Variants in DOCK3 observed in about 807,000 individuals in gnomAD.
DOCK3 encodes dedicator of cytokinesis protein 3.
DOCK3 carries 60 observed loss-of-function variants against 265.6 expected under a neutral mutation model. That is an observed-to-expected ratio of 0.23 (90% CI 0.18 to 0.28). The LOEUF is 0.28. Among genes scored for constraint, DOCK3 ranks in the 10% least tolerant of loss-of-function variants. The probability of loss-of-function intolerance (pLI) is 1.00; values close to 1 mark genes in which losing one functional copy is unlikely to be tolerated. For synonymous variants in DOCK3, 881 were observed against 938.0 expected, an observed-to-expected ratio of 0.94 and a Z score of 1.11; for missense variants, 1,981 against 2,594.3, an observed-to-expected ratio of 0.76 and a Z score of 5.14.
intron 1 of DOCK3, among the ~76,000 whole-genome samples, chr3:50,777,070 G>C (rs571861310): frequency 1.8e-4 from 27 of 152,214 alleles, no homozygotes; most frequent in African/African-American, 6.3e-4. Context: ...AATACCATGA[G>C]AGCAGTGTGG....
chr3:51,193,801 C>CTTTTTT (rs36051516), intron 12 of DOCK3, among the ~76,000 whole-genome samples: 4 of 126,678 alleles, frequency 3.2e-5, no homozygotes, highest in Admixed American at 8.0e-5. Flanking sequence ...GGGCTTCTCT[C>CTTTTTT]TTTTTTTTTT....
chr3:50,868,899 C>A (rs1222819403), intron 3 of DOCK3, among the ~76,000 whole-genome samples: 7 of 25,722 alleles, frequency 2.7e-4, no homozygotes, highest in African/African-American at 1.1e-3. Flanking sequence ...TTTGGATAAT[C>A]TGTTTTTTTT....
intron 4 of DOCK3, among the ~76,000 whole-genome samples, chr3:50,925,400 A>G (rs891209380): frequency 3.9e-5 from 6 of 152,200 alleles, no homozygotes; most frequent in Non-Finnish European, 5.9e-5. Flanking sequence ...TTGGAAGGCC[A>G]GGCATATTGG....
intron 5 of DOCK3, among the ~76,000 whole-genome samples, chr3:50,953,142 T>C (rs2076637557): frequency 1.3e-5 from 2 of 152,066 alleles, no homozygotes; most frequent in Non-Finnish European, 2.9e-5. Context: ...AATTTTAGAA[T>C]AAACACTCTT....
intron 5 of DOCK3, among the ~76,000 whole-genome samples, chr3:50,941,849 A>C (rs888483900): frequency 1.3e-5 from 2 of 152,110 alleles, no homozygotes; most frequent in Non-Finnish European, 2.9e-5. Context: ...TCTCATAGTG[A>C]CAAAATTATA....
Position 50,970,003 on chromosome 3 carries a change from C to T in DOCK3, c.315+35926C>T, listed in dbSNP as rs371544335. 1.1e-3 allele frequency among the ~76,000 whole-genome samples: 173 copies of T among 152,036 alleles called. 2 individuals are homozygous for T. The South Asian group carries it at 0.034, about 30-fold the overall frequency. ...AGGAGAATGGTGTAAACCCGGGAGG[C>T]GGAGCTTCCAGTGAGCCGAGATAGC... On this transcript the variant is annotated intron_variant, in intron 5 of 52. Transcript: ENST00000266037.
chr3:51,328,486 A>G (rs1445832153), intron 32 of DOCK3, among the ~76,000 whole-genome samples: 1 of 152,036 alleles, frequency 6.6e-6, no homozygotes, highest in Admixed American at 6.6e-5. Flanking sequence ...TCTCTACACA[A>G]AGAGAGTGAG....
At chr3:50,696,475 T>TGG (rs2035623454) in intron 1 of DOCK3, among the ~76,000 whole-genome samples, 1 of 152,194 alleles carries the variant, frequency 6.6e-6, no homozygotes, top group South Asian at 2.1e-4. Flanking sequence ...GTTCAGAGCC[T>TGG]GGGGGCGTGC....
intron 5 of DOCK3, among the ~76,000 whole-genome samples, chr3:51,056,742 C>G (rs2081215843): frequency 6.6e-6 from 1 of 151,994 alleles, no homozygotes; most frequent in Non-Finnish European, 1.5e-5. Flanking sequence ...TGAATAAACT[C>G]AAGTTCTTAA....
At chr3:50,899,773 A>T (rs1001508223) in intron 4 of DOCK3, among the ~76,000 whole-genome samples, 10 of 152,244 alleles carry the variant, frequency 6.6e-5, no homozygotes, top group Middle Eastern at 3.4e-3. Context: ...TGGGTTGAAA[A>T]TTCTTTTCTT....
At chr3:50,888,995 C>A (rs1314514667) in intron 3 of DOCK3, among the ~76,000 whole-genome samples, 2 of 150,652 alleles carry the variant, frequency 1.3e-5, no homozygotes, top group Non-Finnish European at 2.9e-5. Flanking sequence ...AGTCTAATTG[C>A]TTATAGCCTT....
Position 51,374,330 on chromosome 3 carries a change from C to A in DOCK3, c.5294-139C>A. 1.4e-6 allele frequency: 1 copy of A among 738,848 alleles called. No homozygotes were observed. The highest frequency in any genetic ancestry group is 2.3e-6 in the Non-Finnish European group (1 of 434,006). 45.8% of individuals were successfully genotyped at this position (738,848 alleles called of 1,614,324 possible). A position where few individuals can be genotyped will look rare whatever the true frequency, so the allele number is the denominator to read the frequency against. Reference sequence around the variant, plus strand: ...CTAACAACCAGACTCTGCTTCATTCCTCCTGTGCTTGCTGAGTTCATCCTC... The same window carrying A: ...CTAACAACCAGACTCTGCTTCATTCATCCTGTGCTTGCTGAGTTCATCCTC... On this transcript the variant is annotated intron_variant, in intron 49 of 52. Transcript: ENST00000266037. The surrounding 1 kb of genome is among the most constrained non-coding windows in gnomAD (Gnocchi z 4.8).
rs746635733 is a variant in DOCK3, at chr3:51,310,282, T to G, written c.2973T>G (p.Ser991Arg). 2 of 1,606,370 alleles carry G rather than the reference T, an allele frequency of 1.2e-6. No homozygotes were observed. The highest frequency in any genetic ancestry group is 3.4e-5 in the Admixed American group (2 of 58,932). Residue 991 changes from serine to arginine, a missense_variant, in exon 28 of 53, where the codon AGT (serine) becomes AGG (arginine). By Grantham distance (110) the Ser-to-Arg change is moderately radical. Around this residue, in one of 4 missense-constraint regions of DOCK3, gnomAD observed 1,357 missense variants for 1,866.8 expected, o/e 0.73. Transcript: ENST00000266037. ...TGTTCCGGAACCTGATGAAGATGAG[T>G]GTCTTCCCTCGGGACTGGATGGTAA... ...FCVFRNLMKMSVFPRDWMVMR... is the reference protein window; with the variant it reads ...FCVFRNLMKMRVFPRDWMVMR...
chr3:50,967,481 T>C (rs1256248752), intron 5 of DOCK3, among the ~76,000 whole-genome samples: 2 of 152,190 alleles, frequency 1.3e-5, no homozygotes, highest in Admixed American at 6.5e-5. Flanking sequence ...CCAGTATCTT[T>C]TAGATTGATT....
chr3:51,120,657 C>T (rs1007026993), intron 9 of DOCK3, among the ~76,000 whole-genome samples: 3 of 152,202 alleles, frequency 2.0e-5, no homozygotes, highest in African/African-American at 7.2e-5. Flanking sequence ...GTCAGAGATG[C>T]CCTTCCCAGA....
chr3:50,992,594 G>T (rs552581182), intron 5 of DOCK3, among the ~76,000 whole-genome samples: 2 of 152,324 alleles, frequency 1.3e-5, no homozygotes, highest in South Asian at 4.1e-4. Context: ...AACTCGCCCA[G>T]CCCAGGAGTT....
rs199518599 is a variant in DOCK3 at position 51,229,549 on chromosome 3, C to T, written c.1857C>T (p.Pro619=). The T allele has an allele frequency of 4.2e-5, 68 of 1,607,574 alleles. No homozygotes were observed. The highest frequency in any genetic ancestry group is 1.1e-4 in the East Asian group (5 of 44,490). ...CTCTGCTGAAGTGGAAAGCCTTCCC[C>T]GACCGGATCATGGATGTACTAGGGC... ...LLALLKWKAF[P]DRIMDVLGRL... Residue 619 remains proline, a synonymous_variant, in exon 19 of 53, where the codon CCC becomes CCT. Transcript: ENST00000266037.
intron 5 of DOCK3, among the ~76,000 whole-genome samples, chr3:50,937,176 C>T (rs1475793215): frequency 1.3e-5 from 2 of 149,752 alleles, no homozygotes; most frequent in Non-Finnish European, 3.0e-5. Context: ...ACATGGGAGG[C>T]TGAAACAGGA....
chr3:51,076,650 C>T (rs2109387809), intron 7 of DOCK3, among the ~76,000 whole-genome samples: 2 of 152,086 alleles, frequency 1.3e-5, no homozygotes, highest in South Asian at 4.2e-4. Context: ...ATGCATGGAC[C>T]CTATGTTAGA....
Sources: gnomAD v4.1 joint callset for allele counts (sites outside exome capture counted in the v4.1 genomes callset) on GRCh38, gnomAD v4.1.1 for gene constraint, gnomAD v4.1.1 regional missense constraint, Gnocchi (gnomAD v3.1) non-coding constraint, MANE v1.5 for transcripts, NCBI Gene and HGNC (gene_info 2026-07-23, HGNC 2026-07-21) for gene names.